The following RRAS variants were observed in gnomAD, a reference collection of about 807,000 sequenced individuals.
RRAS encodes the protein ras-related protein R-Ras.
In RRAS, 18 loss-of-function variants were observed where a neutral mutation model predicts 23.3. The ratio of observed to expected loss-of-function variants is 0.77; its 90% CI spans 0.53 to 1.15. The LOEUF (loss-of-function observed/expected upper bound fraction) is 1.15, where lower values mean the gene tolerates loss of function less well. Ranked by LOEUF, RRAS falls within the 50% of genes most tolerant of loss-of-function variation. The pLI is 0.00. For missense variants in RRAS, 291 were observed against 317.1 expected, an observed-to-expected ratio of 0.92 and a Z score of 0.62; for synonymous variants, 133 against 138.3, an observed-to-expected ratio of 0.96 and a Z score of 0.27.
Position 49,635,852 on chromosome 19 carries a change from C to G in RRAS, c.454G>C (p.Val152Leu), listed in dbSNP as rs777784351. 26 of 1,460,764 alleles carry G rather than the reference C, an allele frequency of 1.8e-5. No individual in the cohort carries two copies. Among genetic ancestry groups the G allele is most frequent in the Non-Finnish European group, 2.4e-5 (26 of 1,064,196 alleles). 90.5% of individuals were successfully genotyped at this position (1,460,764 alleles called of 1,614,324 possible). The change falls in exon 5 of 6, where the codon GTC becomes CTC. Residue 152 changes from valine to leucine, a missense_variant and splice_region_variant. By Grantham distance (32) the Val-to-Leu change is conservative (BLOSUM62 1). Coordinates refer to ENST00000246792, the MANE Select transcript of RRAS (RefSeq NM_006270.5). ...NKADLESQRQ[V>L]PRSEASAFGA... ...AAGGCAGAGGCTTCTGATCGGGGGA[C>G]CTGGGGGTAGGGGGGACACGGGGGA...
rs544651800 is a variant in RRAS at position 49,640,056 on chromosome 19, G to A, written c.43C>T (p.Arg15Trp). Residue 15 changes from arginine (R) to tryptophan (W), a missense_variant, in exon 1 of 6, where the codon CGG (arginine) becomes TGG (tryptophan). Transcript: ENST00000246792. ...TCCCCGGGCCCAGGTCCCCCGCCCCGGGGCCGCCCCCGCCCTGTCCCGGAC... is the reference window on the plus strand; with the variant it reads ...TCCCCGGGCCCAGGTCCCCCGCCCCAGGGCCGCCCCCGCCCTGTCCCGGAC... ...AASGTGRGRP[R>W]GGGPGPGDPP... is the part of the protein sequence containing the mutation. 3.4e-6 allele frequency: 5 copies of A among 1,487,674 alleles called. No homozygotes were observed. The South Asian group carries it at 5.1e-5, about 15-fold the overall frequency. The allele number at this position is 1,487,674 out of a possible 1,614,324, so 92.2% of individuals were successfully genotyped here.
rs368978550 is a variant in RRAS, at chr19:49,636,700, C to T, written c.372G>A (p.Thr124=). The T allele has an allele frequency of 1.8e-5, 29 of 1,614,010 alleles. No homozygotes were observed. The Middle Eastern group carries it at 4.9e-4, about 27-fold the overall frequency. The change falls in exon 4 of 6, where the codon ACG becomes ACA. Residue 124 remains threonine (T), a synonymous_variant. Transcript: ENST00000246792. The surrounding 1 kb of genome is among the most constrained non-coding windows in gnomAD (Gnocchi z 4.5). ...CGCGGTCCTTGACCCGCAGAATCTG[C>T]GTGAAGAGCTTGCCCACCTCGTTGA... ...QSFNEVGKLF[T]QILRVKDRDD...
Position 49,636,362 on chromosome 19 carries a change from A to T in RRAS, c.453+257T>A, listed in dbSNP as rs1189045739. 6.6e-6 allele frequency among the ~76,000 whole-genome samples: 1 copy of T among 151,954 alleles called. No homozygotes were observed. Among genetic ancestry groups the T allele is most frequent in the Non-Finnish European group, 1.5e-5 (1 of 67,974 alleles). Reference sequence around the variant, plus strand: ...GGAGGAATGCGAGGAAGGGGCAAAGAGAGCTGGCGGACGGGGGGTGAATGT... The same window carrying T: ...GGAGGAATGCGAGGAAGGGGCAAAGTGAGCTGGCGGACGGGGGGTGAATGT... On this transcript the variant is annotated intron_variant, in intron 4 of 5. Coordinates refer to ENST00000246792, the MANE Select transcript of RRAS (RefSeq NM_006270.5). The surrounding 1 kb of genome is among the most constrained non-coding windows in gnomAD (Gnocchi z 4.5).
Position 49,640,030 on chromosome 19 carries a change from G to T in RRAS, c.69C>A (p.Asp23Glu), listed in dbSNP as rs1458889244. Residue 23 changes from aspartate (D) to glutamate (E), a missense_variant, in exon 1 of 6, where the codon GAC becomes GAA. Asp to Glu is a conservative substitution (Grantham distance 45). Coordinates refer to ENST00000246792, the MANE Select transcript of RRAS (RefSeq NM_006270.5). Reference protein sequence around the residue: ...RPRGGGPGPGDPPPSETHKLV... With the variant: ...RPRGGGPGPGEPPPSETHKLV... ...GCTTGTGTGTCTCGCTGGGCGGGGG[G>T]TCCCCGGGCCCAGGTCCCCCGCCCC... The T allele has an allele frequency of 1.3e-6, 2 of 1,545,414 alleles. No homozygotes were observed. The highest frequency in any genetic ancestry group is 5.1e-5 in the East Asian group (2 of 39,428).
chr19:49,639,438 CAAA>C (rs60691134), intron 1 of RRAS, among the ~76,000 whole-genome samples: 2 of 120,374 alleles, frequency 1.7e-5, no homozygotes. Flanking sequence ...GACTCTGTCT[CAAA>C]AAAAAAAAAA....
chr19:49,639,550 T>C (rs1198671135), intron 1 of RRAS, among the ~76,000 whole-genome samples: 1 of 151,646 alleles, frequency 6.6e-6, no homozygotes, highest in Non-Finnish European at 1.5e-5. Context: ...AGTTGGGGAC[T>C]GGGATTTGGG....
Position 49,636,513 on chromosome 19 carries a change from A to C in RRAS, c.453+106T>G. On this transcript the variant is annotated intron_variant, in intron 4 of 5. Coordinates refer to ENST00000246792, the MANE Select transcript of RRAS (RefSeq NM_006270.5). The surrounding 1 kb of genome is among the most constrained non-coding windows in gnomAD (Gnocchi z 4.5). ...TCTAGGTGAGCTGTGTGACAGTGGC[A>C]GTCGCAGCACTGCAGGAACAGAGGA... is the stretch of plus-strand genomic sequence containing the variant. The C allele has an allele frequency of 3.6e-6, 3 of 837,486 alleles. No homozygotes were observed. Among genetic ancestry groups the C allele is most frequent in the Non-Finnish European group, 6.1e-6 (3 of 490,026 alleles). The allele number at this position is 837,486 out of a possible 1,614,324, so 51.9% of individuals were successfully genotyped here. A position where few individuals can be genotyped will look rare whatever the true frequency, so the allele number is the denominator to read the frequency against.
Position 49,635,513 on chromosome 19 carries a change from A to G in RRAS, c.*63T>C. ...AGGCTCAGTGAGGGCCTCAGGTCAC[A>G]CAGCAAGGTGCGAAGGCAGCTAGTC... On this transcript the variant is annotated 3_prime_UTR_variant, in exon 6 of 6. Coordinates refer to ENST00000246792, the MANE Select transcript of RRAS (RefSeq NM_006270.5). The G allele has an allele frequency of 1.8e-6, 2 of 1,093,170 alleles. No individual in the cohort carries two copies. Among genetic ancestry groups the G allele is most frequent in the South Asian group, 4.9e-5 (2 of 40,724 alleles). The allele number at this position is 1,093,170 out of a possible 1,614,324, so 67.7% of individuals were successfully genotyped here.
chr19:49,637,067 C>A lies in RRAS; in HGVS notation c.217G>T (p.Asp73Tyr). 6.2e-7 allele frequency: 1 copy of A among 1,613,752 alleles called. No homozygotes were observed. The highest frequency in any genetic ancestry group is 8.5e-7 in the Non-Finnish European group (1 of 1,179,982). ...EDSYTKICSV[D>Y]GIPARLDILD... ...CTGTCCAGCCGGGCTGGGATGCCAT[C>A]CACACTGCAGATCTTCGTGTAGGAG... is the stretch of plus-strand genomic sequence containing the variant. Residue 73 changes from aspartate to tyrosine, a missense_variant, in exon 2 of 6, where the codon GAT becomes TAT. Transcript: ENST00000246792.
At chr19:49,637,821 C>T (rs2081004165) in intron 1 of RRAS, among the ~76,000 whole-genome samples, 1 of 145,502 alleles carries the variant, frequency 6.9e-6, no homozygotes, top group African/African-American at 2.5e-5. Context: ...ACTCCTGGTC[C>T]TCTCTTTCTG....
rs777351546 is a variant in RRAS, at chr19:49,637,061, T to A, written c.223A>T (p.Ile75Phe). ...SYTKICSVDG[I>F]PARLDILDTA... ...CCCTCACTGTCCAGCCGGGCTGGGATGCCATCCACACTGCAGATCTTCGTG... is the reference window on the plus strand; with the variant it reads ...CCCTCACTGTCCAGCCGGGCTGGGAAGCCATCCACACTGCAGATCTTCGTG... The change falls in exon 2 of 6, where the codon ATC (isoleucine) becomes TTC (phenylalanine). Residue 75 changes from isoleucine to phenylalanine, a missense_variant. Physicochemically the swap from Ile to Phe is conservative, Grantham distance 21. Transcript: ENST00000246792. 1 of 1,613,752 alleles carries A rather than the reference T, an allele frequency of 6.2e-7. No homozygotes were observed. Among genetic ancestry groups the A allele is most frequent in the South Asian group, 1.1e-5 (1 of 91,046 alleles).
rs980298003 is a variant in RRAS at position 49,635,630 on chromosome 19, G to A, written c.603C>T (p.Ser201=). ...CCTTCTTCCTGGGGGCACTGGGAGG[G>A]CTCGGTGGGAGCTCTTGTTCCTGGT... ...RKYQEQELPP[S]PPSAPRKKGG... Residue 201 remains serine (S), a synonymous_variant, in exon 6 of 6, where the codon AGC becomes AGT. Coordinates refer to ENST00000246792, the MANE Select transcript of RRAS (RefSeq NM_006270.5). 1.4e-6 allele frequency: 2 copies of A among 1,444,342 alleles called. No homozygotes were observed. The highest frequency in any genetic ancestry group is 1.8e-6 in the Non-Finnish European group (2 of 1,087,304). The allele number at this position is 1,444,342 out of a possible 1,614,324, so 89.5% of individuals were successfully genotyped here.
rs761080520 is a variant in RRAS at position 49,636,807 on chromosome 19, C to A, written c.344+17G>T. 6.2e-7 allele frequency: 1 copy of A among 1,611,882 alleles called. No individual in the cohort carries two copies. The highest frequency in any genetic ancestry group is 8.5e-7 in the Non-Finnish European group (1 of 1,178,858). Reference sequence around the variant, plus strand: ...CCCACACCCACCCACTGCTCCGCCACCAGCAACCCCTGTCACCTCTGCCGG... The same window carrying A: ...CCCACACCCACCCACTGCTCCGCCAACAGCAACCCCTGTCACCTCTGCCGG... On this transcript the variant is annotated intron_variant, in intron 3 of 5. Coordinates refer to ENST00000246792, the MANE Select transcript of RRAS (RefSeq NM_006270.5). The surrounding 1 kb of genome is among the most constrained non-coding windows in gnomAD (Gnocchi z 4.5).
At position 49,640,143 on chromosome 19, in the gene RRAS, C is replaced by T. The variant is rs1007977284; in HGVS notation, c.-45G>A. 2.2e-6 allele frequency: 3 copies of T among 1,352,530 alleles called. No homozygotes were observed. The highest frequency in any genetic ancestry group is 1.9e-6 in the Non-Finnish European group (2 of 1,060,344). 83.8% of individuals were successfully genotyped at this position (1,352,530 alleles called of 1,614,324 possible). A position where few individuals can be genotyped will look rare whatever the true frequency, so the allele number is the denominator to read the frequency against. On this transcript the variant is annotated 5_prime_UTR_variant, in exon 1 of 6. Coordinates refer to ENST00000246792, the MANE Select transcript of RRAS (RefSeq NM_006270.5). ...CCTTCGCTACCGCCTGCGGGGGAGC[C>T]GGGCGGGACCCGGGGGGGCGGGCTA... is the stretch of plus-strand genomic sequence containing the variant.
Position 49,635,375 on chromosome 19 carries a change from T to C in RRAS, c.*201A>G, listed in dbSNP as rs140412111. ...CGGAGCCCCTCACCCCCACCAGGCT[T>C]AGGTGGGGACAGGAGGCGTTGGCAG... On this transcript the variant is annotated 3_prime_UTR_variant, in exon 6 of 6. Transcript: ENST00000246792. 6.8e-4 allele frequency: 263 copies of C among 388,572 alleles called. No individual in the cohort carries two copies. Among genetic ancestry groups the C allele is most frequent in the African/African-American group, 4.7e-3 (226 of 48,476 alleles). The allele number at this position is 388,572 out of a possible 1,614,324, so 24.1% of individuals were successfully genotyped here. A position where few individuals can be genotyped will look rare whatever the true frequency, so the allele number is the denominator to read the frequency against.
At chr19:49,639,000 C>A (rs1420307152) in intron 1 of RRAS, among the ~76,000 whole-genome samples, 1 of 151,700 alleles carries the variant, frequency 6.6e-6, no homozygotes, top group African/African-American at 2.4e-5. Context: ...CTGGAATGGC[C>A]AAGGGGCAGG....
At position 49,640,031 on chromosome 19, in the gene RRAS, T is replaced by A; in HGVS notation, c.68A>T (p.Asp23Val). 1 of 1,541,478 alleles carries A rather than the reference T, an allele frequency of 6.5e-7. No homozygotes were observed. Among genetic ancestry groups the A allele is most frequent in the Non-Finnish European group, 8.7e-7 (1 of 1,152,730 alleles). ...RPRGGGPGPGDPPPSETHKLV... is the reference protein window; with the variant it reads ...RPRGGGPGPGVPPPSETHKLV... ...CTTGTGTGTCTCGCTGGGCGGGGGG[T>A]CCCCGGGCCCAGGTCCCCCGCCCCG... The change falls in exon 1 of 6, where the codon GAC becomes GTC. Residue 23 changes from aspartate (D) to valine (V), a missense_variant. Asp to Val is a radical substitution (Grantham distance 152, BLOSUM62 -3). Transcript: ENST00000246792.
chr19:49,637,816 T>C (rs2081004144), intron 1 of RRAS, among the ~76,000 whole-genome samples: 1 of 124,820 alleles, frequency 8.0e-6, no homozygotes, highest in Non-Finnish European at 1.6e-5. Flanking sequence ...GAGTCACTCC[T>C]GGTCCTCTCT....
chr19:49,638,437 T>C (rs1205231741), intron 1 of RRAS, among the ~76,000 whole-genome samples: 1 of 152,046 alleles, frequency 6.6e-6, no homozygotes, highest in African/African-American at 2.4e-5. Flanking sequence ...TCTTTGAAGC[T>C]GGGAGGACCT....
Sources: gnomAD v4.1 joint callset for allele counts (sites outside exome capture counted in the v4.1 genomes callset) on GRCh38, gnomAD v4.1.1 for gene constraint, Gnocchi (gnomAD v3.1) non-coding constraint, MANE v1.5 for transcripts, NCBI Gene and HGNC (gene_info 2026-07-23, HGNC 2026-07-21) for gene names.